Variants in COL23A1 observed in about 807,000 individuals in gnomAD.
COL23A1 encodes collagen type XXIII alpha 1 chain.
COL23A1 carries 97 observed loss-of-function variants against 99.3 expected under a neutral mutation model. That is an observed-to-expected ratio of 0.98 (90% CI 0.83 to 1.16). The LOEUF (loss-of-function observed/expected upper bound fraction) is 1.16. Among genes scored for constraint, COL23A1 ranks in the 50% most tolerant of loss-of-function variants. The pLI, the probability that COL23A1 is intolerant of heterozygous loss-of-function variation, is 0.00. For missense variants in COL23A1, 762 were observed against 757.4 expected (o/e 1.01, Z -0.07); for synonymous variants, 320 against 308.2 (o/e 1.04, Z -0.40).
At chr5:178,551,029 C>A (rs1206161531) in intron 2 of COL23A1, among the ~76,000 whole-genome samples, 1 of 124,238 alleles carries the variant, frequency 8.0e-6, no homozygotes, top group Non-Finnish European at 1.8e-5. Flanking sequence ...CTGGAAAATT[C>A]TGAGGGTCTT....
At chr5:178,358,306 A>ATG (rs144233519) in intron 2 of COL23A1, among the ~76,000 whole-genome samples, 2 of 134,772 alleles carry the variant, frequency 1.5e-5, no homozygotes, top group South Asian at 2.3e-4. Context: ...GTATGTATGT[A>ATG]TGTGTGTGTA....
At chr5:178,258,496 C>T (rs182286340) in intron 12 of COL23A1, among the ~76,000 whole-genome samples, 46 of 145,724 alleles carry the variant, frequency 3.2e-4, no homozygotes, top group Middle Eastern at 3.8e-3. Flanking sequence ...TCCGGGTTCA[C>T]GCCATTCTCC....
chr5:178,577,850 A>G (rs1763459874), intron 1 of COL23A1, among the ~76,000 whole-genome samples: 1 of 152,210 alleles, frequency 6.6e-6, no homozygotes, highest in Non-Finnish European at 1.5e-5. Flanking sequence ...CTGGACTCAG[A>G]CCCAGGCTTC....
intron 2 of COL23A1, among the ~76,000 whole-genome samples, chr5:178,521,787 A>G (rs1050787009): frequency 1.3e-5 from 2 of 152,242 alleles, no homozygotes; most frequent in African/African-American, 2.4e-5. Flanking sequence ...TGTATATGAA[A>G]TATCTAGTCT....
intron 1 of COL23A1, among the ~76,000 whole-genome samples, chr5:178,562,965 GCA>G (rs1762677855): frequency 6.6e-6 from 1 of 151,980 alleles, no homozygotes; most frequent in Non-Finnish European, 1.5e-5. Flanking sequence ...TTTTTACAGA[GCA>G]CTGATTGGTG....
rs374747782 is a variant in COL23A1 at position 178,247,515 on chromosome 5, T to G, written c.1296+11A>C. The G allele has an allele frequency of 6.2e-7, 1 of 1,613,988 alleles. No homozygotes were observed. Among genetic ancestry groups the G allele is most frequent in the Non-Finnish European group, 8.5e-7 (1 of 1,179,864 alleles). ...AGTCTGAGGCCAGTAGAGGGGTCTGTGCCCACTCACCTTGGGACCCTGGAT... is the reference window on the plus strand; with the variant it reads ...AGTCTGAGGCCAGTAGAGGGGTCTGGGCCCACTCACCTTGGGACCCTGGAT... On this transcript the variant is annotated intron_variant, in intron 22 of 28. Transcript: ENST00000390654.
At chr5:178,457,552 C>G (rs537715163) in intron 2 of COL23A1, among the ~76,000 whole-genome samples, 5 of 152,108 alleles carry the variant, frequency 3.3e-5, no homozygotes, top group Non-Finnish European at 7.3e-5. Flanking sequence ...TCAATGTAAT[C>G]TTAATGTTCA....
chr5:178,292,585 A>G (rs1757519183), intron 3 of COL23A1, among the ~76,000 whole-genome samples: 1 of 152,158 alleles, frequency 6.6e-6, no homozygotes, highest in African/African-American at 2.4e-5. Context: ...CTCATATTTT[A>G]AAGATCCCCG....
intron 2 of COL23A1, among the ~76,000 whole-genome samples, chr5:178,352,818 C>T (rs1039875654): frequency 2.0e-5 from 3 of 152,222 alleles, no homozygotes; most frequent in Non-Finnish European, 4.4e-5. Context: ...GTCTCTCACA[C>T]TTGTGTAGAA....
chr5:178,484,686 G>T (rs929632269), intron 2 of COL23A1, among the ~76,000 whole-genome samples: 2 of 152,102 alleles, frequency 1.3e-5, no homozygotes, highest in Non-Finnish European at 2.9e-5. Context: ...GCCAGGCGTG[G>T]TGGTGGGTGC....
intron 2 of COL23A1, among the ~76,000 whole-genome samples, chr5:178,385,665 C>T (rs973672845): frequency 5.3e-5 from 8 of 152,198 alleles, no homozygotes; most frequent in East Asian, 1.9e-4. Flanking sequence ...GGACGTTAAG[C>T]GCATCATCTG....
At chr5:178,503,304 T>C (rs1251624035) in intron 2 of COL23A1, among the ~76,000 whole-genome samples, 1 of 151,996 alleles carries the variant, frequency 6.6e-6, no homozygotes, top group Non-Finnish European at 1.5e-5. Context: ...GAGCCGAGAT[T>C]GCACCACTGC....
chr5:178,560,756 G>GT lies in COL23A1; in HGVS notation c.295-9_295-8insA. On this transcript the variant is annotated splice_polypyrimidine_tract_variant and intron_variant, in intron 1 of 28. Coordinates refer to ENST00000390654, the MANE Select transcript of COL23A1 (RefSeq NM_173465.4). ...CGCTAGTCCGTCCAACTTCTGAGCCGGAAAAAAAAAAAGAAAAAAAACGAG... is the reference window on the plus strand; with the variant it reads ...CGCTAGTCCGTCCAACTTCTGAGCCGTGAAAAAAAAAAAGAAAAAAAACGAG... 1 of 1,593,640 alleles carries GT rather than the reference G, an allele frequency of 6.3e-7. No individual in the cohort carries two copies. Among genetic ancestry groups the GT allele is most frequent in the Non-Finnish European group, 8.5e-7 (1 of 1,171,848 alleles).
chr5:178,245,569 C>A (rs2973802), intron 25 of COL23A1, among the ~76,000 whole-genome samples: 1 of 101,302 alleles, frequency 9.9e-6, no homozygotes, highest in South Asian at 2.9e-4. Flanking sequence ...CATCCATTCA[C>A]CCATCCATCC....
chr5:178,352,658 C>T (rs1761395494), intron 2 of COL23A1, among the ~76,000 whole-genome samples: 1 of 152,376 alleles, frequency 6.6e-6, no homozygotes, highest in East Asian at 1.9e-4. Flanking sequence ...ATCCGTTTCT[C>T]GTGGCCTAAT....
At chr5:178,324,748 A>C (rs910939440) in intron 2 of COL23A1, among the ~76,000 whole-genome samples, 1 of 152,194 alleles carries the variant, frequency 6.6e-6, no homozygotes, top group South Asian at 2.1e-4. Context: ...CACCAGTTCT[A>C]ACGGAAATGG....
chr5:178,304,505 CAAAAAAAAA>C (rs35806686), intron 3 of COL23A1, among the ~76,000 whole-genome samples: 4 of 32,218 alleles, frequency 1.2e-4, no homozygotes, highest in Non-Finnish European at 2.8e-4. Context: ...GCGACTGTCT[CAAAAAAAAA>C]AAAAAAAAAA....
At chr5:178,363,207 T>C (rs72820976) in intron 2 of COL23A1, among the ~76,000 whole-genome samples, 16,128 of 151,924 alleles carry the variant, frequency 0.11, 890 homozygotes, top group South Asian at 0.16. Flanking sequence ...CATCAGCCCA[T>C]GCCCTAGAGT....
chr5:178,357,977 T>C (rs1259585404), intron 2 of COL23A1, among the ~76,000 whole-genome samples: 2 of 117,222 alleles, frequency 1.7e-5, no homozygotes, highest in East Asian at 5.0e-4. Flanking sequence ...TGTATGTGTA[T>C]ATATGTGTGT....
Sources: allele counts gnomAD v4.1 joint callset (sites outside exome capture counted in the v4.1 genomes callset), GRCh38; gene constraint gnomAD v4.1.1; transcripts MANE v1.5; gene names NCBI Gene and HGNC (gene_info 2026-07-23, HGNC 2026-07-21).